HCRTR2: variants seen among roughly 807,000 people sequenced by gnomAD.
HCRTR2 encodes the protein orexin receptor type 2.
Under a neutral mutation model 49.0 loss-of-function variants are expected in HCRTR2, and 22 were observed. The ratio of observed to expected loss-of-function variants is 0.45; its 90% CI spans 0.32 to 0.64. HCRTR2 has a LOEUF of 0.64. HCRTR2 is among the 30% of genes least tolerant of loss of function. The probability of loss-of-function intolerance (pLI) is 0.04; values close to 1 mark genes in which losing one functional copy is unlikely to be tolerated. For missense variants in HCRTR2, 491 were observed against 559.4 expected (o/e 0.88, Z 1.23); for synonymous variants, 236 against 205.3 (o/e 1.15, Z -1.28).
At chr6:55,236,634 T>C (rs1581847230) in intron 1 of HCRTR2, among the ~76,000 whole-genome samples, 1 of 152,270 alleles carries the variant, frequency 6.6e-6, no homozygotes, top group East Asian at 1.9e-4. Flanking sequence ...AATTAGTATT[T>C]GTAGATATTA....
At chr6:55,223,599 T>C (rs898522745) in intron 1 of HCRTR2, among the ~76,000 whole-genome samples, 7 of 152,194 alleles carry the variant, frequency 4.6e-5, no homozygotes, top group African/African-American at 1.4e-4. Flanking sequence ...TTGTCACTTA[T>C]GTTATTCTTG....
chr6:55,280,958 T>TA (rs1767178988), intron 6 of HCRTR2, among the ~76,000 whole-genome samples: 1 of 152,204 alleles, frequency 6.6e-6, no homozygotes, highest in Non-Finnish European at 1.5e-5. Context: ...AGTTAAATGA[T>TA]ACACACATAC....
At chr6:55,125,704 G>C (rs1764265175) in intron 1 of HCRTR2, among the ~76,000 whole-genome samples, 1 of 152,142 alleles carries the variant, frequency 6.6e-6, no homozygotes, top group Non-Finnish European at 1.5e-5. Flanking sequence ...ATCCTGAAGA[G>C]TGTTTTCCAA....
chr6:55,240,357 CAAAAAAAAAAAAA>C lies in HCRTR2; in HGVS notation c.224-8267_224-8255del, dbSNP rs1167981530. Among the ~76,000 whole-genome samples, 11 of 46,016 alleles carry C rather than the reference CAAAAAAAAAAAAA, an allele frequency of 2.4e-4. 1 individual carries two copies. The highest frequency in any genetic ancestry group is 6.0e-4 in the African/African-American group (7 of 11,664). The allele number at this position is 46,016 out of a possible 152,430, so 30.2% of individuals were successfully genotyped here. On this transcript the variant is annotated intron_variant, in intron 1 of 6. Coordinates refer to ENST00000370862, the MANE Select transcript of HCRTR2 (RefSeq NM_001384272.1). Reference sequence around the variant, plus strand: ...TGGACGAAAGAGCGAGACTCCAGCTCAAAAAAAAAAAAAAAAAAAAAAAAAAAGAGTTTTATTC... The same window carrying C: ...TGGACGAAAGAGCGAGACTCCAGCTCAAAAAAAAAAAAAAGAGTTTTATTC...
At chr6:55,194,680 G>A (rs1765378946) in intron 1 of HCRTR2, among the ~76,000 whole-genome samples, 1 of 151,958 alleles carries the variant, frequency 6.6e-6, no homozygotes, top group South Asian at 2.1e-4. Context: ...GATTTACTTT[G>A]GGAGGTTCTA....
chr6:55,119,267 T>A (rs962032391), intron 1 of HCRTR2, among the ~76,000 whole-genome samples: 11 of 151,908 alleles, frequency 7.2e-5, no homozygotes, highest in Admixed American at 2.6e-4. Context: ...TGTGTCTTTA[T>A]AGTAGAACAA....
At chr6:55,152,420 T>C (rs546056825) in intron 1 of HCRTR2, among the ~76,000 whole-genome samples, 16 of 152,176 alleles carry the variant, frequency 1.1e-4, no homozygotes, top group Admixed American at 5.2e-4. Flanking sequence ...TTTTAATTGG[T>C]ATTTTTTTGT....
intron 1 of HCRTR2, among the ~76,000 whole-genome samples, chr6:55,232,789 C>T (rs942572274): frequency 6.6e-6 from 1 of 152,120 alleles, no homozygotes; most frequent in African/African-American, 2.4e-5. Context: ...GTATCTCAAT[C>T]TTATACATGT....
intron 4 of HCRTR2, among the ~76,000 whole-genome samples, chr6:55,272,254 C>A (rs575353429): frequency 2.0e-5 from 3 of 152,142 alleles, no homozygotes; most frequent in African/African-American, 7.2e-5. Context: ...AGAAGCCAGG[C>A]ACAGAAGGCC....
At chr6:55,221,153 A>C (rs534994120) in intron 1 of HCRTR2, among the ~76,000 whole-genome samples, 1 of 152,340 alleles carries the variant, frequency 6.6e-6, no homozygotes, top group Non-Finnish European at 1.5e-5. Context: ...ATCCTATACA[A>C]TCTTACCAAA....
chr6:55,144,648 G>T (rs1028276728), intron 1 of HCRTR2, among the ~76,000 whole-genome samples: 2 of 152,038 alleles, frequency 1.3e-5, no homozygotes, highest in African/African-American at 4.8e-5. Context: ...CCTCGCATGC[G>T]CAGTTCACAA....
intron 1 of HCRTR2, among the ~76,000 whole-genome samples, chr6:55,142,430 G>T (rs1348102735): frequency 6.7e-6 from 1 of 148,334 alleles, no homozygotes; most frequent in Non-Finnish European, 1.5e-5. Flanking sequence ...GGATGGTCTC[G>T]ATCTCCTGAC....
chr6:55,238,828 G>A (rs1766264879), intron 1 of HCRTR2, among the ~76,000 whole-genome samples: 1 of 152,176 alleles, frequency 6.6e-6, no homozygotes, highest in African/African-American at 2.4e-5. Flanking sequence ...CAGATATGCG[G>A]TGAAAGAGAA....
At chr6:55,182,421 C>A (rs1431245086) in intron 1 of HCRTR2, among the ~76,000 whole-genome samples, 1 of 152,190 alleles carries the variant, frequency 6.6e-6, no homozygotes, top group Non-Finnish European at 1.5e-5. Context: ...ATCTCTTCTT[C>A]TGGAGGAAGT....
chr6:55,270,213 A>G (rs941256516), intron 4 of HCRTR2, among the ~76,000 whole-genome samples: 7 of 152,188 alleles, frequency 4.6e-5, no homozygotes, highest in Non-Finnish European at 8.8e-5. Flanking sequence ...ATGAAAAGGA[A>G]ATAGCTCTGG....
intron 1 of HCRTR2, among the ~76,000 whole-genome samples, chr6:55,184,618 G>A (rs976963553): frequency 2.6e-5 from 4 of 152,096 alleles, no homozygotes; most frequent in African/African-American, 9.7e-5. Flanking sequence ...GACCCCAAGT[G>A]AGCCCTTAGG....
chr6:55,255,093 A>G, intron 2 of HCRTR2, 43 bp from the exon 3 acceptor site: 1 of 1,609,302 alleles, frequency 6.2e-7, no homozygotes, highest in Admixed American at 1.7e-5. Context: ...AATTCTTTTA[A>G]CAGCTGGTGC....
At chr6:55,202,520 A>G (rs3134701) in intron 1 of HCRTR2, among the ~76,000 whole-genome samples, 42,165 of 152,074 alleles carry the variant, frequency 0.28, 6,438 homozygotes, top group African/African-American at 0.4. Context: ...ATTTGTTTCC[A>G]ACTGTTTTGG....
chr6:55,145,557 C>T (rs1764569334), intron 1 of HCRTR2, among the ~76,000 whole-genome samples: 1 of 151,996 alleles, frequency 6.6e-6, no homozygotes, highest in South Asian at 2.1e-4. Context: ...ACTACAGACG[C>T]CCGCCACCGT....
Sources: gnomAD v4.1 joint callset for allele counts (sites outside exome capture counted in the v4.1 genomes callset) on GRCh38, gnomAD v4.1.1 for gene constraint, MANE v1.5 for transcripts, NCBI Gene and HGNC (gene_info 2026-07-23, HGNC 2026-07-21) for gene names.